The following PLA2G4A variants were observed in gnomAD, a reference collection of about 807,000 sequenced individuals.
PLA2G4A encodes the protein cytosolic phospholipase A2.
Under a neutral mutation model 81.9 loss-of-function variants are expected in PLA2G4A, and 40 were observed. That is an observed-to-expected ratio of 0.49 (90% CI 0.38 to 0.64). PLA2G4A has a LOEUF of 0.64. PLA2G4A is among the 30% of genes least tolerant of loss of function. The pLI, the probability that PLA2G4A is intolerant of heterozygous loss-of-function variation, is 0.00. For synonymous variants in PLA2G4A, 302 were observed against 296.9 expected, an observed-to-expected ratio of 1.02 and a Z score of -0.18; for missense variants, 715 against 905.1, an observed-to-expected ratio of 0.79 and a Z score of 2.69.
At chr1:186,872,259 A>T (rs1176911326) in intron 3 of PLA2G4A, among the ~76,000 whole-genome samples, 1 of 152,030 alleles carries the variant, frequency 6.6e-6, no homozygotes, top group Non-Finnish European at 1.5e-5. Flanking sequence ...ACCATTTTAA[A>T]TGAGAATTTA....
chr1:186,982,861 C>T (rs1034209473), intron 17 of PLA2G4A, among the ~76,000 whole-genome samples: 4 of 151,920 alleles, frequency 2.6e-5, no homozygotes, highest in Admixed American at 1.3e-4. Context: ...GGCAGATCAC[C>T]AGGTCAGGAG....
intron 3 of PLA2G4A, among the ~76,000 whole-genome samples, chr1:186,875,788 C>G (rs139707226): frequency 1.3e-5 from 2 of 152,158 alleles, no homozygotes; most frequent in Non-Finnish European, 2.9e-5. Context: ...GTTTTATTCT[C>G]TCCTGCAAAG....
chr1:186,882,886 C>T (rs1282859401), intron 3 of PLA2G4A, among the ~76,000 whole-genome samples: 2 of 151,746 alleles, frequency 1.3e-5, no homozygotes, highest in Admixed American at 6.6e-5. Context: ...ATATTTGAAT[C>T]GTGAAGAAAA....
At chr1:186,920,200 C>T (rs1655296910) in intron 7 of PLA2G4A, among the ~76,000 whole-genome samples, 1 of 152,108 alleles carries the variant, frequency 6.6e-6, no homozygotes, top group Non-Finnish European at 1.5e-5. Flanking sequence ...AATTCCTGTT[C>T]CTGGTAACTT....
chr1:186,864,387 A>T (rs1448353427), intron 2 of PLA2G4A, among the ~76,000 whole-genome samples: 1 of 152,150 alleles, frequency 6.6e-6, no homozygotes, highest in African/African-American at 2.4e-5. Context: ...ACTGTTTTAC[A>T]CAATGGCTAT....
intron 8 of PLA2G4A, among the ~76,000 whole-genome samples, chr1:186,938,264 G>A (rs183030847): frequency 2.6e-5 from 4 of 152,132 alleles, no homozygotes; most frequent in South Asian, 2.1e-4. Flanking sequence ...CCATACTAGA[G>A]GTATTGGTTC....
intron 1 of PLA2G4A, among the ~76,000 whole-genome samples, chr1:186,834,378 C>T (rs968886979): frequency 1.3e-5 from 2 of 151,486 alleles, no homozygotes; most frequent in Non-Finnish European, 2.9e-5. Context: ...AAAAGTCAAA[C>T]GTTTTTTTCT....
chr1:186,930,677 T>C (rs548410677), intron 7 of PLA2G4A, among the ~76,000 whole-genome samples: 2 of 152,316 alleles, frequency 1.3e-5, no homozygotes, highest in Non-Finnish European at 2.9e-5. Context: ...CAATTAACCA[T>C]ACCTATAGAC....
At chr1:186,863,103 T>C (rs1652876550) in intron 2 of PLA2G4A, among the ~76,000 whole-genome samples, 1 of 152,202 alleles carries the variant, frequency 6.6e-6, no homozygotes, top group African/African-American at 2.4e-5. Flanking sequence ...GTAAATATTT[T>C]ACCATTTTCT....
At chr1:186,980,034 G>T (rs890127486) in intron 17 of PLA2G4A, among the ~76,000 whole-genome samples, 1 of 131,788 alleles carries the variant, frequency 7.6e-6, no homozygotes, top group African/African-American at 2.8e-5. Flanking sequence ...TGCAAGCTCC[G>T]CCTCCCAGGT....
At chr1:186,972,951 A>G (rs1657406367) in intron 15 of PLA2G4A, among the ~76,000 whole-genome samples, 1 of 152,174 alleles carries the variant, frequency 6.6e-6, no homozygotes, top group Admixed American at 6.6e-5. Context: ...GAATCTCCAC[A>G]TATTATTCAC....
chr1:186,830,469 G>A lies in PLA2G4A; in HGVS notation c.-70+1434G>A, dbSNP rs530788136. Among the ~76,000 whole-genome samples, 4 of 151,868 alleles carry A rather than the reference G, an allele frequency of 2.6e-5. No homozygotes were observed. The East Asian group carries it at 7.8e-4, about 30-fold the overall frequency. On this transcript the variant is annotated intron_variant, in intron 1 of 17. Transcript: ENST00000367466. Reference sequence around the variant, plus strand: ...CTAAAAATAGAAAAACTAGCCGGACGTGGTGGCAGGTGCCTGTAATCCCAG... The same window carrying A: ...CTAAAAATAGAAAAACTAGCCGGACATGGTGGCAGGTGCCTGTAATCCCAG...
intron 8 of PLA2G4A, among the ~76,000 whole-genome samples, chr1:186,937,503 T>G (rs1655994779): frequency 6.6e-6 from 1 of 152,028 alleles, no homozygotes; most frequent in Admixed American, 6.6e-5. Context: ...TGATTTATCA[T>G]TATCACATGT....
At position 186,911,453 on chromosome 1, in the gene PLA2G4A, C is replaced by T. The variant is rs889216608; in HGVS notation, c.558+64C>T. On this transcript the variant is annotated intron_variant, in intron 7 of 17. Coordinates refer to ENST00000367466, the MANE Select transcript of PLA2G4A (RefSeq NM_024420.3). ...AATAATTTAGCTTGGACAATTTCCC[C>T]AATAATTTTACCCAAATATGGCAAT... 12 of 1,237,170 alleles carry T rather than the reference C, an allele frequency of 9.7e-6. No homozygotes were observed. In the African/African-American group the frequency reaches 1.8e-4, roughly 18 times the overall value. 76.6% of individuals were successfully genotyped at this position (1,237,170 alleles called of 1,614,324 possible).
chr1:186,967,625 A>G (rs543016895), intron 15 of PLA2G4A, among the ~76,000 whole-genome samples: 102 of 152,304 alleles, frequency 6.7e-4, no homozygotes, highest in African/African-American at 2.5e-3. Context: ...ATAAGTTTAC[A>G]TAAGTATGTG....
intron 17 of PLA2G4A, 145 bp from the exon 18 acceptor site, chr1:186,988,232 G>A (rs538601538): frequency 5.3e-6 from 3 of 564,820 alleles, no homozygotes; most frequent in South Asian, 1.9e-5. Context: ...GAATTTAAAT[G>A]TGTATGCATG....
rs777035820 is a variant in PLA2G4A, at chr1:186,988,597, C to A, written c.*89C>A. The A allele has an allele frequency of 8.9e-7, 1 of 1,129,282 alleles. No individual in the cohort carries two copies. The highest frequency in any genetic ancestry group is 1.3e-6 in the Non-Finnish European group (1 of 748,772). The allele number at this position is 1,129,282 out of a possible 1,614,324, so 70.0% of individuals were successfully genotyped here. A position where few individuals can be genotyped will look rare whatever the true frequency, so the allele number is the denominator to read the frequency against. On this transcript the variant is annotated 3_prime_UTR_variant, in exon 18 of 18. Coordinates refer to ENST00000367466, the MANE Select transcript of PLA2G4A (RefSeq NM_024420.3). ...GATTTAAAAGTACAGTACAGATAGTCGTACTGATCATGAGAGACTGGCTGA... is the reference window on the plus strand; with the variant it reads ...GATTTAAAAGTACAGTACAGATAGTAGTACTGATCATGAGAGACTGGCTGA...
chr1:186,939,620 A>G (rs1397694084), intron 9 of PLA2G4A, among the ~76,000 whole-genome samples: 1 of 152,168 alleles, frequency 6.6e-6, no homozygotes, highest in Non-Finnish European at 1.5e-5. Context: ...AGGGGATCGC[A>G]TAGAACAGAC....
chr1:186,866,234 G>A (rs977331458), intron 2 of PLA2G4A, among the ~76,000 whole-genome samples: 10 of 151,934 alleles, frequency 6.6e-5, no homozygotes, highest in South Asian at 2.1e-4. Context: ...CATGGTAAGC[G>A]GTTCTCAAAA....
Sources: allele counts gnomAD v4.1 joint callset (sites outside exome capture counted in the v4.1 genomes callset), GRCh38; gene constraint gnomAD v4.1.1; transcripts MANE v1.5; gene names NCBI Gene and HGNC (gene_info 2026-07-23, HGNC 2026-07-21).